TCERG1L: variants seen among roughly 807,000 people sequenced by gnomAD.
TCERG1L encodes transcription elongation regulator 1 like.
In TCERG1L, 37 loss-of-function variants were observed where a neutral mutation model predicts 56.3. The observed-to-expected ratio is 0.66, with a 90% CI of 0.51 to 0.87. The LOEUF (loss-of-function observed/expected upper bound fraction) is 0.87, where lower values mean the gene tolerates loss of function less well. Among genes scored for constraint, TCERG1L ranks in the 40% least tolerant of loss-of-function variants. The pLI, the probability that TCERG1L is intolerant of heterozygous loss-of-function variation, is 0.00. For missense variants in TCERG1L, 799 were observed against 774.2 expected, an observed-to-expected ratio of 1.03 and a Z score of -0.38; for synonymous variants, 324 against 326.3, an observed-to-expected ratio of 0.99 and a Z score of 0.08.
Position 131,258,820 on chromosome 10 carries a change from T to A in TCERG1L, c.856+1439A>T, listed in dbSNP as rs577489477. Reference sequence around the variant, plus strand: ...GATGCCTAATTGTTATGTCACCTTATAAATCATGTCAGAGATATGGAAAGT... The same window carrying A: ...GATGCCTAATTGTTATGTCACCTTAAAAATCATGTCAGAGATATGGAAAGT... On this transcript the variant is annotated intron_variant, in intron 4 of 11. Coordinates refer to ENST00000368642, the MANE Select transcript of TCERG1L (RefSeq NM_174937.4). 3.3e-5 allele frequency among the ~76,000 whole-genome samples: 5 copies of A among 152,302 alleles called. No homozygotes were observed. The South Asian group carries it at 8.3e-4, about 25-fold the overall frequency.
chr10:131,173,473 A>G (rs1846113732), intron 4 of TCERG1L, among the ~76,000 whole-genome samples: 1 of 152,244 alleles, frequency 6.6e-6, no homozygotes, highest in Admixed American at 6.5e-5. Context: ...CCCGTTGTAT[A>G]TGGTCCTGAA....
At chr10:131,184,343 C>A (rs747175078) in intron 4 of TCERG1L, among the ~76,000 whole-genome samples, 2 of 152,162 alleles carry the variant, frequency 1.3e-5, no homozygotes, top group Non-Finnish European at 2.9e-5. Flanking sequence ...ACAAAATAGA[C>A]GTTTAATAAA....
chr10:131,281,962 C>G (rs577679443), intron 3 of TCERG1L, among the ~76,000 whole-genome samples: 3 of 151,978 alleles, frequency 2.0e-5, no homozygotes, highest in South Asian at 2.1e-4. Flanking sequence ...TGGTGAAACC[C>G]CATCTCTACT....
rs117482852 is a variant in TCERG1L at position 131,257,749 on chromosome 10, C to T, written c.856+2510G>A. Among the ~76,000 whole-genome samples, 399 of 152,230 alleles carry T rather than the reference C, an allele frequency of 2.6e-3. 1 individual carries two copies. The highest frequency in any genetic ancestry group is 4.7e-3 in the Non-Finnish European group (318 of 68,016). On this transcript the variant is annotated intron_variant, in intron 4 of 11. Transcript: ENST00000368642. Reference sequence around the variant, plus strand: ...AACCCTCAGGTCATGACAACCAAAACACATGGATAGTCACACTGCCAAATA... The same window carrying T: ...AACCCTCAGGTCATGACAACCAAAATACATGGATAGTCACACTGCCAAATA...
intron 3 of TCERG1L, among the ~76,000 whole-genome samples, chr10:131,262,142 G>A (rs941249788): frequency 3.9e-5 from 6 of 152,162 alleles, no homozygotes; most frequent in African/African-American, 9.7e-5. Context: ...TACTCCAAGC[G>A]AGGCGAGCCA....
intron 4 of TCERG1L, among the ~76,000 whole-genome samples, chr10:131,237,999 T>C (rs956447029): frequency 1.3e-5 from 2 of 152,204 alleles, no homozygotes; most frequent in African/African-American, 4.8e-5. Context: ...AACTGAAGTG[T>C]GGTACAATCA....
At chr10:131,204,492 C>T (rs1845494230) in intron 4 of TCERG1L, among the ~76,000 whole-genome samples, 1 of 151,710 alleles carries the variant, frequency 6.6e-6, no homozygotes, top group Non-Finnish European at 1.5e-5. Context: ...TGCCAGAAAG[C>T]ACCTGTCAAA....
intron 7 of TCERG1L, among the ~76,000 whole-genome samples, chr10:131,140,574 T>C (rs965603266): frequency 6.6e-6 from 1 of 152,148 alleles, no homozygotes; most frequent in Non-Finnish European, 1.5e-5. Flanking sequence ...CTCAGCATCT[T>C]TGTGGAGAAG....
chr10:131,302,638 T>G (rs1371504801), intron 3 of TCERG1L, among the ~76,000 whole-genome samples: 1 of 151,548 alleles, frequency 6.6e-6, no homozygotes, highest in African/African-American at 2.4e-5. Context: ...TTTTTTTTTT[T>G]TTATTATACT....
intron 4 of TCERG1L, among the ~76,000 whole-genome samples, chr10:131,228,217 T>A (rs1589755100): frequency 7.3e-6 from 1 of 136,994 alleles, no homozygotes; most frequent in Non-Finnish European, 1.6e-5. Flanking sequence ...CAGACAGGCA[T>A]TTCCTCAAGG....
At chr10:131,263,060 G>T (rs1846249152) in intron 3 of TCERG1L, among the ~76,000 whole-genome samples, 1 of 152,146 alleles carries the variant, frequency 6.6e-6, no homozygotes, top group East Asian at 1.9e-4. Flanking sequence ...CAGTTTAGAA[G>T]CACAATTGTT....
At chr10:131,143,682 G>T (rs934318793) in intron 7 of TCERG1L, among the ~76,000 whole-genome samples, 3 of 152,160 alleles carry the variant, frequency 2.0e-5, no homozygotes, top group Admixed American at 2.0e-4. Context: ...CGCGGGCACG[G>T]GTGGGAACAC....
chr10:131,132,227 A>G (rs552895676), intron 8 of TCERG1L, among the ~76,000 whole-genome samples: 1 of 152,286 alleles, frequency 6.6e-6, no homozygotes, highest in East Asian at 1.9e-4. Context: ...ACAAACGCCA[A>G]AGCATTTCCT....
At position 131,309,834 on chromosome 10, in the gene TCERG1L, C is replaced by CAAAAAAAAAAAAAAAAAAAAAAAAA. The variant is rs58892586; in HGVS notation, c.343-560_343-536dup. Among the ~76,000 whole-genome samples, 20 of 49,826 alleles carry CAAAAAAAAAAAAAAAAAAAAAAAAA rather than the reference C, an allele frequency of 4.0e-4. 3 individuals carry two copies. Among genetic ancestry groups the CAAAAAAAAAAAAAAAAAAAAAAAAA allele is most frequent in the Non-Finnish European group, 5.6e-4 (16 of 28,712 alleles). 32.7% of individuals were successfully genotyped at this position (49,826 alleles called of 152,430 possible). A position where few individuals can be genotyped will look rare whatever the true frequency, so the allele number is the denominator to read the frequency against. ...TCACCAATACAAATAGATTCTATGG[C>CAAAAAAAAAAAAAAAAAAAAAAAAA]AAAAAAAAAAAAAAAAAAAAAAAAA... On this transcript the variant is annotated intron_variant, in intron 1 of 11. Transcript: ENST00000368642.
intron 4 of TCERG1L, among the ~76,000 whole-genome samples, chr10:131,235,471 A>G (rs1203372491): frequency 1.3e-5 from 2 of 152,224 alleles, no homozygotes; most frequent in East Asian, 3.8e-4. Flanking sequence ...GATACTGCAA[A>G]TAAGCACCAA....
At chr10:131,180,435 TTC>T (rs1319142661) in intron 4 of TCERG1L, among the ~76,000 whole-genome samples, 2 of 152,152 alleles carry the variant, frequency 1.3e-5, no homozygotes, top group Non-Finnish European at 2.9e-5. Flanking sequence ...GGATATTACA[TTC>T]TGTTTCATTA....
chr10:131,238,067 G>A (rs947599948), intron 4 of TCERG1L, among the ~76,000 whole-genome samples: 1 of 152,096 alleles, frequency 6.6e-6, no homozygotes, highest in Admixed American at 6.6e-5. Flanking sequence ...GGAACCCTCC[G>A]TGACCTCAGG....
chr10:131,259,035 T>C (rs1846205666), intron 4 of TCERG1L, among the ~76,000 whole-genome samples: 2 of 152,188 alleles, frequency 1.3e-5, no homozygotes, highest in Non-Finnish European at 2.9e-5. Context: ...TAAATGCATG[T>C]TCACTGACAT....
intron 4 of TCERG1L, among the ~76,000 whole-genome samples, chr10:131,244,574 C>G (rs112995278): frequency 0.02 from 3,073 of 152,210 alleles, 78 homozygotes; most frequent in Non-Finnish European, 0.026. Flanking sequence ...CTCCAGAGTA[C>G]ACAGCAGTGA....
Sources: allele counts gnomAD v4.1 joint callset (sites outside exome capture counted in the v4.1 genomes callset), GRCh38; gene constraint gnomAD v4.1.1; transcripts MANE v1.5; gene names NCBI Gene and HGNC (gene_info 2026-07-23, HGNC 2026-07-21).